Variants in PRKCA observed in about 807,000 individuals in gnomAD.
The protein encoded by PRKCA is protein kinase C alpha type.
A neutral mutation model predicts 87.0 loss-of-function variants in PRKCA; 27 were observed. The ratio of observed to expected loss-of-function variants is 0.31; its 90% confidence interval spans 0.23 to 0.43. The LOEUF is 0.43. PRKCA is among the 20% of genes least tolerant of loss of function. The probability of loss-of-function intolerance (pLI) is 1.00; values close to 1 mark genes in which losing one functional copy is unlikely to be tolerated. For missense variants in PRKCA, 518 were observed against 852.3 expected (o/e 0.61, Z 4.88); for synonymous variants, 329 against 311.1 (o/e 1.06, Z -0.61).
intron 14 of PRKCA, 145 bp from the exon 15 acceptor site, chr17:66,786,722 G>A (rs529044272): frequency 4.4e-5 from 27 of 609,704 alleles, no homozygotes; most frequent in African/African-American, 9.2e-5. Flanking sequence ...CAAATAAACC[G>A]TCAAGTTAGC....
At chr17:66,318,780 G>A (rs1040977664) in intron 2 of PRKCA, among the ~76,000 whole-genome samples, 3 of 151,810 alleles carry the variant, frequency 2.0e-5, no homozygotes, top group Admixed American at 6.6e-5. Context: ...GCTTGAACCC[G>A]GGAGGCAGAG....
At chr17:66,719,747 A>C (rs940732175) in intron 8 of PRKCA, among the ~76,000 whole-genome samples, 3 of 152,276 alleles carry the variant, frequency 2.0e-5, no homozygotes, top group Non-Finnish European at 4.4e-5. Flanking sequence ...TGTCTGGAAG[A>C]TAGAGCGAGA....
chr17:66,652,596 C>G (rs9905256), intron 5 of PRKCA, among the ~76,000 whole-genome samples: 95,302 of 151,898 alleles, frequency 0.63, 29,994 homozygotes, highest in African/African-American at 0.7. Context: ...AAGAAGAGAG[C>G]GTGTGTGCAG....
At chr17:66,635,043 CT>C (rs1215937696) in intron 3 of PRKCA, among the ~76,000 whole-genome samples, 2 of 152,190 alleles carry the variant, frequency 1.3e-5, no homozygotes, top group Admixed American at 1.3e-4. Context: ...TCTGGAGAGA[CT>C]TCCTGGAGGA....
Position 66,306,114 on chromosome 17 carries a change from C to T in PRKCA, c.192C>T (p.Gly64=), listed in dbSNP as rs1904803807. Residue 64 remains glycine (G), a synonymous_variant, in exon 2 of 17, where the codon GGC becomes GGT. Coordinates refer to ENST00000413366, the MANE Select transcript of PRKCA (RefSeq NM_002737.3). ...TTTTCAGGGGGTTTGGGAAACAAGG[C>T]TTCCAGTGCCAAGGTAAGCTACCAC... ...TDFIWGFGKQ[G]FQCQVCCFVV... is the part of the protein sequence containing the mutation. 6.2e-7 allele frequency: 1 copy of T among 1,612,002 alleles called. No homozygotes were observed. The highest frequency in any genetic ancestry group is 1.7e-5 in the Admixed American group (1 of 59,556).
At chr17:66,592,387 T>C (rs908301094) in intron 3 of PRKCA, among the ~76,000 whole-genome samples, 2 of 147,878 alleles carry the variant, frequency 1.4e-5, no homozygotes, top group East Asian at 3.9e-4. Context: ...ATCACCATTT[T>C]ATCAAAGAAA....
intron 3 of PRKCA, among the ~76,000 whole-genome samples, chr17:66,517,165 T>A (rs1369965649): frequency 6.6e-6 from 1 of 152,046 alleles, no homozygotes; most frequent in Non-Finnish European, 1.5e-5. Context: ...GCACCTGTAG[T>A]CCCAGCTACT....
intron 3 of PRKCA, among the ~76,000 whole-genome samples, chr17:66,579,635 G>A (rs1301197287): frequency 2.0e-5 from 3 of 152,124 alleles, no homozygotes; most frequent in Admixed American, 2.0e-4. Context: ...AGGTAGTCTG[G>A]GTCCCGGGAT....
intron 3 of PRKCA, among the ~76,000 whole-genome samples, chr17:66,594,743 C>T (rs183418134): frequency 1.8e-3 from 276 of 152,282 alleles, no homozygotes; most frequent in African/African-American, 6.0e-3. Flanking sequence ...CTCTACCACA[C>T]GGGGCCCAGA....
chr17:66,719,789 A>G (rs1032840828), intron 8 of PRKCA, among the ~76,000 whole-genome samples: 1 of 152,260 alleles, frequency 6.6e-6, no homozygotes, highest in South Asian at 2.1e-4. Context: ...AAATAAAATT[A>G]TAGATGTTTT....
chr17:66,539,952 C>T (rs1324502094), intron 3 of PRKCA, among the ~76,000 whole-genome samples: 1 of 152,224 alleles, frequency 6.6e-6, no homozygotes, highest in East Asian at 1.9e-4. Flanking sequence ...TAGAAATCCA[C>T]CCTTGCTCAC....
At chr17:66,356,229 A>G (rs1317201236) in intron 2 of PRKCA, among the ~76,000 whole-genome samples, 1 of 152,138 alleles carries the variant, frequency 6.6e-6, no homozygotes, top group Admixed American at 6.5e-5. Context: ...TTTTTAAAAT[A>G]CCTGAACAGT....
At chr17:66,355,958 G>A (rs2143451080) in intron 2 of PRKCA, among the ~76,000 whole-genome samples, 1 of 152,236 alleles carries the variant, frequency 6.6e-6, no homozygotes, top group East Asian at 1.9e-4. Flanking sequence ...GAGTGCAATG[G>A]CATGATCTCC....
chr17:66,659,358 G>A (rs1971827779), intron 5 of PRKCA, among the ~76,000 whole-genome samples: 1 of 152,112 alleles, frequency 6.6e-6, no homozygotes, highest in Non-Finnish European at 1.5e-5. Context: ...GAAGAAAATA[G>A]GGTACTCACC....
At chr17:66,630,920 G>A (rs899466035) in intron 3 of PRKCA, among the ~76,000 whole-genome samples, 4 of 152,156 alleles carry the variant, frequency 2.6e-5, no homozygotes, top group African/African-American at 9.7e-5. Context: ...AATATTTGCT[G>A]TCCCCTTCTG....
chr17:66,762,473 C>T (rs1194498538), intron 13 of PRKCA, among the ~76,000 whole-genome samples: 1 of 152,214 alleles, frequency 6.6e-6, no homozygotes, highest in Admixed American at 6.5e-5. Context: ...AGCTCCTGGC[C>T]TCCAGCAGTT....
chr17:66,578,248 C>T (rs1368870379), intron 3 of PRKCA, among the ~76,000 whole-genome samples: 5 of 152,102 alleles, frequency 3.3e-5, no homozygotes, highest in South Asian at 2.1e-4. Flanking sequence ...TCTGGAAAGA[C>T]GCCTCACCTG....
chr17:66,553,045 G>A (rs112606647), intron 3 of PRKCA, among the ~76,000 whole-genome samples: 8,861 of 151,476 alleles, frequency 0.058, 334 homozygotes, highest in Non-Finnish European at 0.084. Flanking sequence ...GCAGTGGTGT[G>A]ATCTTGGCTC....
chr17:66,776,978 C>T (rs1457734119), intron 14 of PRKCA, among the ~76,000 whole-genome samples: 1 of 152,230 alleles, frequency 6.6e-6, no homozygotes, highest in African/African-American at 2.4e-5. Flanking sequence ...CATGCGCGTG[C>T]TTGAGCCCAC....
Sources: allele counts gnomAD v4.1 joint callset (sites outside exome capture counted in the v4.1 genomes callset), GRCh38; gene constraint gnomAD v4.1.1; transcripts MANE v1.5; gene names NCBI Gene and HGNC (gene_info 2026-07-23, HGNC 2026-07-21).